The following PLEKHA1 variants were observed in gnomAD, a reference collection of about 807,000 sequenced individuals.
PLEKHA1 encodes the protein pleckstrin homology domain-containing family A member 1.
In PLEKHA1, 34 loss-of-function variants were observed where a neutral mutation model predicts 52.0. The ratio of observed to expected loss-of-function variants is 0.65; its 90% confidence interval spans 0.50 to 0.87. The LOEUF (loss-of-function observed/expected upper bound fraction) is 0.87. PLEKHA1 is among the 40% of genes least tolerant of loss of function. The pLI is 0.00. For synonymous variants in PLEKHA1, 163 were observed against 170.7 expected (o/e 0.95, Z 0.35); for missense variants, 497 against 504.2 (o/e 0.99, Z 0.14).
chr10:122,424,281 C>G lies in PLEKHA1; in HGVS notation c.746+18C>G, dbSNP rs1487757685. ...AAGCAAAGGTAAGGAACCGCTCTGACTTGATGCCTGGCACAAGTTATAAAC... is the reference window on the plus strand; with the variant it reads ...AAGCAAAGGTAAGGAACCGCTCTGAGTTGATGCCTGGCACAAGTTATAAAC... On this transcript the variant is annotated intron_variant, in intron 9 of 11. Coordinates refer to ENST00000368990, the MANE Select transcript of PLEKHA1 (RefSeq NM_001001974.4). 1 of 1,572,206 alleles carries G rather than the reference C, an allele frequency of 6.4e-7. No homozygotes were observed. Among genetic ancestry groups the G allele is most frequent in the African/African-American group, 1.4e-5 (1 of 71,594 alleles).
chr10:122,421,703 G>A (rs1199514699), intron 8 of PLEKHA1: 1 of 151,950 alleles, frequency 6.6e-6, no homozygotes, highest in Non-Finnish European at 1.5e-5. Flanking sequence ...ACATGAATAG[G>A]CAATTCATTT....
At chr10:122,428,422 T>C in intron 11 of PLEKHA1, 1 of 1,453,656 alleles carries the variant, frequency 6.9e-7, no homozygotes, top group African/African-American at 1.4e-5. Context: ...TCATAGAAAG[T>C]TGAGTTAACC....
chr10:122,407,257 C>G (rs572278100), intron 5 of PLEKHA1, among the ~76,000 whole-genome samples: 163 of 152,280 alleles, frequency 1.1e-3, no homozygotes, highest in Admixed American at 2.1e-3. Flanking sequence ...TCCTTGCATT[C>G]CAGGGCTTGG....
intron 8 of PLEKHA1, chr10:122,422,836 T>C (rs143036226): frequency 1.3e-5 from 2 of 152,332 alleles, no homozygotes; most frequent in African/African-American, 4.8e-5. Context: ...ATCCATGTTT[T>C]AGGAAATACA....
At chr10:122,437,243 A>G (rs2097441858), downstream of PLEKHA1, 1 of 152,120 alleles carries the variant, frequency 6.6e-6, no homozygotes, top group African/African-American at 2.4e-5. Flanking sequence ...GATGAATCAG[A>G]TATGGCAAGT....
intron 1 of PLEKHA1, among the ~76,000 whole-genome samples, chr10:122,386,424 C>T (rs12263377): frequency 0.062 from 9,367 of 151,812 alleles, 1,007 homozygotes; most frequent in African/African-American, 0.22. Context: ...ATATTTTCTT[C>T]ATTTTTATGG....
At position 122,431,091 on chromosome 10, in the gene PLEKHA1, G is replaced by A. The variant is rs1199181590; in HGVS notation, c.*1153G>A. 6.6e-6 allele frequency: 1 copy of A among 151,962 alleles called. No homozygotes were observed. Among genetic ancestry groups the A allele is most frequent in the African/African-American group, 2.4e-5 (1 of 41,292 alleles). 9.4% of individuals were successfully genotyped at this position (151,962 alleles called of 1,614,324 possible). A position where few individuals can be genotyped will look rare whatever the true frequency, so the allele number is the denominator to read the frequency against. ...CCTCTCTAAAGAATCTTTAGTTTCC[G>A]ACGTTGAATTATAGACCAGTTTGAG... On this transcript the variant is annotated 3_prime_UTR_variant, in exon 12 of 12. Coordinates refer to ENST00000368990, the MANE Select transcript of PLEKHA1 (RefSeq NM_001001974.4).
At chr10:122,392,590 G>A (rs974656951) in intron 1 of PLEKHA1, among the ~76,000 whole-genome samples, 29 of 151,858 alleles carry the variant, frequency 1.9e-4, no homozygotes, top group African/African-American at 5.8e-4. Context: ...GAGATCTAGA[G>A]TGCGGTAATC....
At chr10:122,408,089 T>C (rs1008711425) in intron 5 of PLEKHA1, among the ~76,000 whole-genome samples, 3 of 152,232 alleles carry the variant, frequency 2.0e-5, no homozygotes, top group Admixed American at 2.0e-4. Context: ...GATTCAGACA[T>C]ACATATTCTT....
chr10:122,401,045 G>T (rs1036760374), intron 4 of PLEKHA1, among the ~76,000 whole-genome samples: 4 of 152,178 alleles, frequency 2.6e-5, no homozygotes, highest in Admixed American at 2.6e-4. Flanking sequence ...TGGAGGAGGA[G>T]ATGCTTACGT....
downstream of PLEKHA1, chr10:122,435,093 A>G (rs1294148464): frequency 6.6e-6 from 1 of 152,160 alleles, no homozygotes; most frequent in East Asian, 1.9e-4. Flanking sequence ...TTTCACTTCT[A>G]GTTGCAGTTC....
At chr10:122,429,494 T>G (rs1306149251) in intron 11 of PLEKHA1, 130 bp from the exon 12 acceptor site, 21 of 655,014 alleles carry the variant, frequency 3.2e-5, no homozygotes, top group South Asian at 8.2e-5. Context: ...GCTGCTGCCT[T>G]TGTGTGTGTG....
chr10:122,422,245 A>G (rs572687826), intron 8 of PLEKHA1: 84 of 152,294 alleles, frequency 5.5e-4, no homozygotes, highest in African/African-American at 2.0e-3. Flanking sequence ...GCCACTAGTA[A>G]TGGTTTCAGG....
intron 1 of PLEKHA1, among the ~76,000 whole-genome samples, chr10:122,391,910 T>C (rs1255954115): frequency 1.3e-5 from 2 of 152,214 alleles, no homozygotes; most frequent in Non-Finnish European, 2.9e-5. Flanking sequence ...GTGATGCAGA[T>C]ACATAGTATA....
At chr10:122,437,006 T>TTG (rs1554945805), downstream of PLEKHA1, 2 of 150,680 alleles carry the variant, frequency 1.3e-5, no homozygotes, top group African/African-American at 4.9e-5. Flanking sequence ...TTTTTTTTTT[T>TTG]TTTTTTTGCC....
chr10:122,400,618 C>T (rs2096914787), intron 4 of PLEKHA1, among the ~76,000 whole-genome samples: 1 of 152,148 alleles, frequency 6.6e-6, no homozygotes, highest in Non-Finnish European at 1.5e-5. Flanking sequence ...CTCCTTCTAC[C>T]CATATGTAAC....
intron 4 of PLEKHA1, among the ~76,000 whole-genome samples, chr10:122,401,411 G>A (rs1274743662): frequency 6.6e-6 from 1 of 152,096 alleles, no homozygotes; most frequent in Non-Finnish European, 1.5e-5. Flanking sequence ...ACTTATGTAA[G>A]GTCCTGAGTT....
Position 122,395,948 on chromosome 10 carries a change from C to CT in PLEKHA1, c.142-1963dup, listed in dbSNP as rs573818620. ...CATAATCAACAAATGGCCTATTTCCCTTTTTTTCTTAAATGTTCTATTAGT... is the reference window on the plus strand; with the variant it reads ...CATAATCAACAAATGGCCTATTTCCCTTTTTTTTCTTAAATGTTCTATTAGT... On this transcript the variant is annotated intron_variant, in intron 2 of 11. Coordinates refer to ENST00000368990, the MANE Select transcript of PLEKHA1 (RefSeq NM_001001974.4). Among the ~76,000 whole-genome samples, 300 of 152,086 alleles carry CT rather than the reference C, an allele frequency of 2.0e-3. 1 individual carries two copies. The highest frequency in any genetic ancestry group is 6.9e-3 in the African/African-American group (288 of 41,484).
chr10:122,383,984 T>A (rs2096652372), intron 1 of PLEKHA1, among the ~76,000 whole-genome samples: 2 of 152,198 alleles, frequency 1.3e-5, no homozygotes, highest in African/African-American at 4.8e-5. Context: ...ATTTTGATAT[T>A]TGAATCCCTG....
Sources: allele counts gnomAD v4.1 joint callset (sites outside exome capture counted in the v4.1 genomes callset), GRCh38; gene constraint gnomAD v4.1.1; transcripts MANE v1.5; gene names NCBI Gene and HGNC (gene_info 2026-07-23, HGNC 2026-07-21).